OLFM3: variants seen among roughly 807,000 people sequenced by gnomAD.
OLFM3 encodes noelin-3.
In OLFM3, 20 loss-of-function variants were observed where a neutral mutation model predicts 48.6. That is an observed-to-expected ratio of 0.41 (90% CI 0.29 to 0.60). OLFM3 has a LOEUF of 0.60. OLFM3 is among the 20% of genes least tolerant of loss of function. OLFM3 has a pLI of 0.28. For missense variants in OLFM3, 437 were observed against 544.3 expected, an observed-to-expected ratio of 0.80 and a Z score of 1.96; for synonymous variants, 222 against 198.1, an observed-to-expected ratio of 1.12 and a Z score of -1.01.
At chr1:101,992,790 A>C (rs887376178) in intron 1 of OLFM3, among the ~76,000 whole-genome samples, 4 of 152,184 alleles carry the variant, frequency 2.6e-5, no homozygotes, top group Non-Finnish European at 5.9e-5. Context: ...ATTCAACAAT[A>C]TAATTATTAA....
At chr1:101,960,973 T>C (rs531534556) in intron 1 of OLFM3, among the ~76,000 whole-genome samples, 6 of 151,188 alleles carry the variant, frequency 4.0e-5, no homozygotes, top group Non-Finnish European at 8.8e-5. Flanking sequence ...TAAATAAGTC[T>C]TAAGCTTAAG....
chr1:101,960,469 G>A (rs1660434420), intron 1 of OLFM3, among the ~76,000 whole-genome samples: 1 of 152,128 alleles, frequency 6.6e-6, no homozygotes, highest in Admixed American at 6.6e-5. Flanking sequence ...TTGCCTAGAA[G>A]AAATTATCTA....
At chr1:101,986,435 T>C (rs1661242098) in intron 1 of OLFM3, among the ~76,000 whole-genome samples, 1 of 152,180 alleles carries the variant, frequency 6.6e-6, no homozygotes, top group Admixed American at 6.5e-5. Context: ...CAGTTGTAAG[T>C]TCCCTGCTTT....
intron 1 of OLFM3, among the ~76,000 whole-genome samples, chr1:101,896,265 G>C (rs1052651778): frequency 1.3e-5 from 2 of 151,872 alleles, no homozygotes; most frequent in Non-Finnish European, 2.9e-5. Flanking sequence ...ATTTTCAGTT[G>C]CTATTGATTT....
At chr1:101,949,572 C>T (rs1366554850) in intron 1 of OLFM3, among the ~76,000 whole-genome samples, 1 of 152,100 alleles carries the variant, frequency 6.6e-6, no homozygotes, top group Middle Eastern at 3.2e-3. Flanking sequence ...TTCCTATTGT[C>T]TCCAGAGTAG....
At chr1:101,882,205 A>G (rs1162201162) in intron 1 of OLFM3, among the ~76,000 whole-genome samples, 6 of 151,068 alleles carry the variant, frequency 4.0e-5, no homozygotes, top group African/African-American at 7.3e-5. Context: ...GGAAAACTAC[A>G]TAAGTATTGA....
At chr1:101,897,333 C>A (rs918057318) in intron 1 of OLFM3, among the ~76,000 whole-genome samples, 2 of 152,108 alleles carry the variant, frequency 1.3e-5, no homozygotes, top group Non-Finnish European at 2.9e-5. Context: ...ACAAAATATT[C>A]TTTCTAAAAC....
intron 1 of OLFM3, among the ~76,000 whole-genome samples, chr1:101,840,691 G>A (rs978319517): frequency 3.6e-4 from 54 of 152,078 alleles, no homozygotes; most frequent in African/African-American, 1.2e-3. Context: ...GGCCTACCTC[G>A]CACTCCTGGA....
chr1:101,967,427 C>T (rs972134680), intron 1 of OLFM3, among the ~76,000 whole-genome samples: 1 of 151,664 alleles, frequency 6.6e-6, no homozygotes, highest in African/African-American at 2.4e-5. Flanking sequence ...AAAACAATGG[C>T]TTAAGAAAGG....
At position 101,803,718 on chromosome 1, in the gene OLFM3, C is replaced by A. The variant is rs1238035739; in HGVS notation, c.*520G>T. ...GAGATTTAAAAATGACTGTACAGCA[C>A]CGCATCAGAGAATTGTGTTAACAGC... On this transcript the variant is annotated 3_prime_UTR_variant, in exon 6 of 6. Transcript: ENST00000370103. The A allele has an allele frequency of 6.6e-6, 1 of 152,494 alleles. No homozygotes were observed. Among genetic ancestry groups the A allele is most frequent in the African/African-American group, 2.4e-5 (1 of 41,496 alleles). The allele number at this position is 152,494 out of a possible 1,614,324, so 9.4% of individuals were successfully genotyped here.
At chr1:101,876,378 T>G (rs1657301246) in intron 1 of OLFM3, among the ~76,000 whole-genome samples, 1 of 151,940 alleles carries the variant, frequency 6.6e-6, no homozygotes, top group Non-Finnish European at 1.5e-5. Flanking sequence ...CAACGAGCAC[T>G]CAGAGAAAAG....
intron 1 of OLFM3, among the ~76,000 whole-genome samples, chr1:101,891,020 A>G (rs1168461225): frequency 6.6e-6 from 1 of 151,992 alleles, no homozygotes; most frequent in African/African-American, 2.4e-5. Context: ...TGGGAATTCA[A>G]TTTAATGAAA....
intron 2 of OLFM3, among the ~76,000 whole-genome samples, chr1:101,831,770 C>T (rs1447468834): frequency 1.3e-5 from 2 of 152,210 alleles, no homozygotes; most frequent in East Asian, 1.9e-4. Flanking sequence ...TCAAAATATA[C>T]ATTTATCAAG....
At chr1:101,980,300 G>A (rs887568795) in intron 1 of OLFM3, among the ~76,000 whole-genome samples, 2 of 152,028 alleles carry the variant, frequency 1.3e-5, no homozygotes, top group South Asian at 2.1e-4. Context: ...GGGAGGGGCC[G>A]GGGTGGAATG....
chr1:101,950,192 T>A (rs1189624546), intron 1 of OLFM3, among the ~76,000 whole-genome samples: 1 of 152,108 alleles, frequency 6.6e-6, no homozygotes, highest in Non-Finnish European at 1.5e-5. Context: ...AGTAAGTTGG[T>A]CTCTTTGGTG....
chr1:101,830,002 T>A (rs1655069179), intron 3 of OLFM3, among the ~76,000 whole-genome samples: 1 of 148,934 alleles, frequency 6.7e-6, no homozygotes, highest in African/African-American at 2.5e-5. Context: ...ACCCGGCTAA[T>A]TTTTTTTTTG....
At chr1:101,860,940 G>A (rs903647373) in intron 1 of OLFM3, among the ~76,000 whole-genome samples, 1 of 152,094 alleles carries the variant, frequency 6.6e-6, no homozygotes, top group Admixed American at 6.5e-5. Flanking sequence ...AGAAAAGACA[G>A]AGAAGGATCA....
At chr1:101,990,413 T>C (rs77336588) in intron 1 of OLFM3, among the ~76,000 whole-genome samples, 4,108 of 152,286 alleles carry the variant, frequency 0.027, 71 homozygotes, top group Admixed American at 0.034. Flanking sequence ...GGTTGATTGA[T>C]GTAAGTGGAA....
chr1:101,907,817 A>C (rs1658603543), intron 1 of OLFM3, among the ~76,000 whole-genome samples: 1 of 152,184 alleles, frequency 6.6e-6, no homozygotes, highest in Non-Finnish European at 1.5e-5. Flanking sequence ...ATTATTTAGA[A>C]AGCTCTATTT....
Sources: gnomAD v4.1 joint callset for allele counts (sites outside exome capture counted in the v4.1 genomes callset) on GRCh38, gnomAD v4.1.1 for gene constraint, MANE v1.5 for transcripts, NCBI Gene and HGNC (gene_info 2026-07-23, HGNC 2026-07-21) for gene names.